The following SPATA16 variants were observed in gnomAD, a reference collection of about 807,000 sequenced individuals.
SPATA16 encodes the protein spermatogenesis-associated protein 16.
SPATA16 carries 36 observed loss-of-function variants against 63.3 expected under a neutral mutation model. The ratio of observed to expected loss-of-function variants is 0.57; its 90% CI spans 0.44 to 0.75. The LOEUF (loss-of-function observed/expected upper bound fraction) is 0.75, where lower values mean the gene tolerates loss of function less well. Ranked by LOEUF, SPATA16 falls within the 30% of genes least tolerant of loss-of-function variation. The pLI, the probability that SPATA16 is intolerant of heterozygous loss-of-function variation, is 0.00. For synonymous variants in SPATA16, 203 were observed against 216.7 expected (o/e 0.94, Z 0.56); for missense variants, 646 against 679.3 (o/e 0.95, Z 0.54).
chr3:172,920,469 C>T (rs769729891), intron 8 of SPATA16, among the ~76,000 whole-genome samples: 1 of 152,128 alleles, frequency 6.6e-6, no homozygotes, highest in Non-Finnish European at 1.5e-5. Context: ...GTTTTGTTAG[C>T]TTTAGAAGAA....
chr3:173,030,759 C>T (rs573621977), intron 3 of SPATA16, among the ~76,000 whole-genome samples: 72 of 152,070 alleles, frequency 4.7e-4, no homozygotes, highest in African/African-American at 1.7e-3. Context: ...ATCAGAGTCT[C>T]CAGGAAATAT....
chr3:173,008,395 G>T (rs1046767002), intron 4 of SPATA16, among the ~76,000 whole-genome samples: 1 of 151,926 alleles, frequency 6.6e-6, no homozygotes, highest in African/African-American at 2.4e-5. Context: ...CTTCCACTCT[G>T]TGGGATCCGC....
chr3:172,919,442 C>A (rs531818044), intron 8 of SPATA16, among the ~76,000 whole-genome samples: 1 of 152,202 alleles, frequency 6.6e-6, no homozygotes, highest in South Asian at 2.1e-4. Flanking sequence ...CCTTGTTTGG[C>A]CATGTATTGT....
At chr3:173,130,683 A>G (rs1186567240) in intron 1 of SPATA16, among the ~76,000 whole-genome samples, 1 of 152,206 alleles carries the variant, frequency 6.6e-6, no homozygotes, top group Non-Finnish European at 1.5e-5. Flanking sequence ...ACTTCCCATC[A>G]TAAACAGCTG....
At chr3:172,930,084 T>C (rs1315012460) in intron 6 of SPATA16, among the ~76,000 whole-genome samples, 1 of 152,238 alleles carries the variant, frequency 6.6e-6, no homozygotes, top group Non-Finnish European at 1.5e-5. Flanking sequence ...TGCTATTATC[T>C]TGGCCAAATT....
chr3:172,907,573 GT>G, intron 10 of SPATA16, among the ~76,000 whole-genome samples: 1 of 144,588 alleles, frequency 6.9e-6, no homozygotes, highest in African/African-American at 2.7e-5. Context: ...CAGGTTTGGT[GT>G]TTTTTTTGTT....
At chr3:172,962,946 A>G (rs952557989) in intron 5 of SPATA16, among the ~76,000 whole-genome samples, 4 of 152,098 alleles carry the variant, frequency 2.6e-5, no homozygotes, top group Non-Finnish European at 4.4e-5. Context: ...GAGGATTTCA[A>G]TTTTCTTGAA....
intron 4 of SPATA16, among the ~76,000 whole-genome samples, chr3:172,977,588 G>A (rs1734194725): frequency 6.6e-6 from 1 of 152,088 alleles, no homozygotes; most frequent in Admixed American, 6.5e-5. Flanking sequence ...TAATTGAATT[G>A]ATTTTAATGT....
intron 2 of SPATA16, among the ~76,000 whole-genome samples, chr3:173,116,714 C>A (rs532691312): frequency 6.6e-6 from 1 of 152,252 alleles, no homozygotes; most frequent in Admixed American, 6.5e-5. Flanking sequence ...TACTACATAT[C>A]AAAAGTGGAC....
chr3:172,940,828 A>C (rs867774210), intron 6 of SPATA16, among the ~76,000 whole-genome samples: 7 of 151,940 alleles, frequency 4.6e-5, no homozygotes, highest in Admixed American at 1.3e-4. Flanking sequence ...ACTAGCATAC[A>C]AAAAATTAGC....
chr3:173,027,959 A>G (rs1431178158), intron 3 of SPATA16, among the ~76,000 whole-genome samples: 1 of 140,288 alleles, frequency 7.1e-6, no homozygotes, highest in East Asian at 2.3e-4. Context: ...GGGATTAGGG[A>G]ACAAATTTAT....
chr3:173,141,052 A>G (rs1738700137), intron 1 of SPATA16, 51 bp downstream of exon 1: 1 of 152,320 alleles, frequency 6.6e-6, no homozygotes, highest in Non-Finnish European at 1.5e-5. Flanking sequence ...CCACCCAGCC[A>G]CTGAACGAGA....
chr3:173,133,604 A>G (rs79543079), intron 1 of SPATA16, among the ~76,000 whole-genome samples: 2 of 152,152 alleles, frequency 1.3e-5, no homozygotes, highest in Non-Finnish European at 2.9e-5. Context: ...TAAGGATGCT[A>G]TAGGGAACTA....
chr3:172,957,998 A>AC, intron 5 of SPATA16, among the ~76,000 whole-genome samples: 1 of 149,414 alleles, frequency 6.7e-6, no homozygotes, highest in South Asian at 2.1e-4. Flanking sequence ...AGACTAGCTT[A>AC]AAATTATGTA....
At chr3:172,972,273 A>G (rs962229440) in intron 5 of SPATA16, among the ~76,000 whole-genome samples, 1 of 152,172 alleles carries the variant, frequency 6.6e-6, no homozygotes, top group African/African-American at 2.4e-5. Context: ...GATGCTCCAC[A>G]TGTCATGCTT....
chr3:173,020,032 A>T (rs2108276827), intron 3 of SPATA16, among the ~76,000 whole-genome samples: 1 of 151,568 alleles, frequency 6.6e-6, no homozygotes. Context: ...GCGGTGGCTC[A>T]TGCCTGTAAT....
At chr3:173,097,108 C>A (rs1249523756) in intron 2 of SPATA16, among the ~76,000 whole-genome samples, 1 of 152,092 alleles carries the variant, frequency 6.6e-6, no homozygotes, top group Non-Finnish European at 1.5e-5. Context: ...GTAATGAAAT[C>A]TCATACCGTT....
chr3:172,961,079 TTCCTTCCTTCCTTC>T (rs1560080403), intron 5 of SPATA16, among the ~76,000 whole-genome samples: 3 of 137,400 alleles, frequency 2.2e-5, no homozygotes, highest in African/African-American at 8.7e-5. Context: ...TCTTCCTTCC[TTCCTTCCTTCCTTC>T]CTTCCTTCCT....
At position 172,981,917 on chromosome 3, in the gene SPATA16, T is replaced by C. The variant is rs115363278; in HGVS notation, c.849-4865A>G. On this transcript the variant is annotated intron_variant, in intron 4 of 10. Coordinates refer to ENST00000351008, the MANE Select transcript of SPATA16 (RefSeq NM_031955.6). ...GTCTATGACTGCTTTTGTGCAACAA[T>C]GGCAGAGGTGAGCAGTTACAAAGAA... Among the ~76,000 whole-genome samples the C allele has an allele frequency of 3.6e-3, 547 of 152,276 alleles. 3 individuals are homozygous for C. The highest frequency in any genetic ancestry group is 0.013 in the African/African-American group (534 of 41,536).
Sources: gnomAD v4.1 joint callset for allele counts (sites outside exome capture counted in the v4.1 genomes callset) on GRCh38, gnomAD v4.1.1 for gene constraint, MANE v1.5 for transcripts, NCBI Gene and HGNC (gene_info 2026-07-23, HGNC 2026-07-21) for gene names.